Variants in TMEM108 observed in about 807,000 individuals in gnomAD.
The protein encoded by TMEM108 is cancer/testis antigen 124.
In TMEM108, 12 loss-of-function variants were observed where a neutral mutation model predicts 35.1. The observed-to-expected ratio is 0.34, with a 90% CI of 0.22 to 0.55. TMEM108 has a LOEUF of 0.55. Ranked by LOEUF, TMEM108 falls within the 20% of genes least tolerant of loss-of-function variation. TMEM108 has a pLI of 0.89. For synonymous variants in TMEM108, 287 were observed against 308.6 expected (o/e 0.93, Z 0.73); for missense variants, 680 against 753.3 (o/e 0.90, Z 1.14).
chr3:133,301,026 ACACACACAC>A (rs1947218091), intron 3 of TMEM108, among the ~76,000 whole-genome samples: 1 of 69,512 alleles, frequency 1.4e-5, no homozygotes, highest in African/African-American at 3.9e-5. Context: ...ACACACACAC[ACACACACAC>A]AAGTTCTACT....
intron 2 of TMEM108, among the ~76,000 whole-genome samples, chr3:133,170,315 A>T (rs535870386): frequency 1.5e-4 from 23 of 152,360 alleles, no homozygotes; most frequent in African/African-American, 5.5e-4. Flanking sequence ...AATGGAGGCC[A>T]CCCAAATGTT....
chr3:133,060,939 T>A (rs964985916), intron 2 of TMEM108, among the ~76,000 whole-genome samples: 2 of 152,228 alleles, frequency 1.3e-5, no homozygotes, highest in Non-Finnish European at 2.9e-5. Flanking sequence ...AGGTCAACTG[T>A]GGAATACCAT....
intron 2 of TMEM108, among the ~76,000 whole-genome samples, chr3:133,048,473 G>C (rs1343087535): frequency 6.6e-6 from 1 of 152,208 alleles, no homozygotes; most frequent in South Asian, 2.1e-4. Flanking sequence ...CTATGTGTTG[G>C]AATGGTCAAA....
intron 2 of TMEM108, among the ~76,000 whole-genome samples, chr3:133,085,509 T>G (rs1266033605): frequency 6.6e-6 from 1 of 152,208 alleles, no homozygotes; most frequent in Non-Finnish European, 1.5e-5. Flanking sequence ...CCCCTTTCAC[T>G]TTTAATTTTT....
chr3:133,331,956 C>T lies in TMEM108; in HGVS notation c.41-47796C>T, dbSNP rs543223495. 2.0e-5 allele frequency among the ~76,000 whole-genome samples: 3 copies of T among 152,276 alleles called. No homozygotes were observed. In the South Asian group the frequency reaches 6.2e-4, roughly 32 times the overall value. On this transcript the variant is annotated intron_variant, in intron 3 of 5. Coordinates refer to ENST00000321871, the MANE Select transcript of TMEM108 (RefSeq NM_023943.4). ...TATAGCCAGGTCTGAACGTATAGAC[C>T]ATAGTCACACTTAGGGGACTGCAAC...
intron 3 of TMEM108, among the ~76,000 whole-genome samples, chr3:133,289,317 G>T (rs1042797371): frequency 2.0e-5 from 3 of 152,126 alleles, no homozygotes; most frequent in African/African-American, 7.2e-5. Flanking sequence ...GGGAAAATTT[G>T]CCCAAGTTCA....
In TMEM108 at chr3:133,381,062, G is replaced by A. The variant is rs1227051302; in HGVS notation, c.1351G>A (p.Ala451Thr). The A allele has an allele frequency of 6.8e-6, 11 of 1,614,088 alleles. No homozygotes were observed. The African/African-American group carries it at 1.2e-4, about 18-fold the overall frequency. ...GACAGCAGGGAACATCTCCCATGTGGCCGAGGGGGACAAACCGCAGCACAG... is the reference window on the plus strand; with the variant it reads ...GACAGCAGGGAACATCTCCCATGTGACCGAGGGGGACAAACCGCAGCACAG... ...PGTAGNISHV[A>T]EGDKPQHRAT... The change falls in exon 4 of 6, where the codon GCC becomes ACC. Residue 451 changes from alanine (A) to threonine (T), a missense_variant. Physicochemically the swap from Ala to Thr is moderately conservative, Grantham distance 58. Around this residue, in one of 3 missense-constraint regions of TMEM108, gnomAD observed 526 missense variants for 532.1 expected, o/e 0.99. Transcript: ENST00000321871.
chr3:133,277,875 A>C (rs1946859238), intron 3 of TMEM108, among the ~76,000 whole-genome samples: 1 of 152,202 alleles, frequency 6.6e-6, no homozygotes, highest in Admixed American at 6.5e-5. Context: ...AAGGAGCAGC[A>C]ATCTGTCACC....
intron 2 of TMEM108, among the ~76,000 whole-genome samples, chr3:133,219,957 G>T (rs970457954): frequency 3.3e-5 from 5 of 151,982 alleles, no homozygotes; most frequent in Non-Finnish European, 7.4e-5. Flanking sequence ...TATCCTTTCA[G>T]ATCTATTAAT....
chr3:133,216,569 T>C (rs183956069), intron 2 of TMEM108, among the ~76,000 whole-genome samples: 266 of 152,264 alleles, frequency 1.7e-3, no homozygotes, highest in African/African-American at 5.8e-3. Context: ...ACTGAAACTT[T>C]GTATCCTTCA....
intron 2 of TMEM108, among the ~76,000 whole-genome samples, chr3:133,148,223 A>G (rs1368330895): frequency 6.6e-6 from 1 of 152,214 alleles, no homozygotes; most frequent in Non-Finnish European, 1.5e-5. Flanking sequence ...TGGGAGAGGA[A>G]AATACAAGAG....
intron 3 of TMEM108, among the ~76,000 whole-genome samples, chr3:133,372,465 G>A (rs563311937): frequency 1.3e-5 from 2 of 152,172 alleles, no homozygotes; most frequent in African/African-American, 2.4e-5. Flanking sequence ...GTGTGTTCAC[G>A]TGTGTTTGTT....
chr3:133,144,561 A>G (rs1215549539), intron 2 of TMEM108, among the ~76,000 whole-genome samples: 1 of 152,220 alleles, frequency 6.6e-6, no homozygotes, highest in Non-Finnish European at 1.5e-5. Context: ...GTCTTCCACA[A>G]TAGTTGAACT....
chr3:133,296,017 C>T (rs891862361), intron 3 of TMEM108, among the ~76,000 whole-genome samples: 6 of 152,158 alleles, frequency 3.9e-5, no homozygotes, highest in Non-Finnish European at 7.3e-5. Context: ...GGGCTCTTGT[C>T]CAAATTGACT....
intron 3 of TMEM108, among the ~76,000 whole-genome samples, chr3:133,375,286 G>A (rs2072801550): frequency 6.6e-6 from 1 of 152,168 alleles, no homozygotes; most frequent in African/African-American, 2.4e-5. Context: ...TGTATGCATT[G>A]GAATTTTCAG....
intron 3 of TMEM108, among the ~76,000 whole-genome samples, chr3:133,347,975 T>C (rs533105938): frequency 6.1e-4 from 93 of 152,230 alleles, no homozygotes; most frequent in African/African-American, 2.2e-3. Flanking sequence ...AAATTAGTTA[T>C]AATAAATAGC....
chr3:133,372,960 G>A lies in TMEM108; in HGVS notation c.41-6792G>A, dbSNP rs557028546. On this transcript the variant is annotated intron_variant, in intron 3 of 5. Coordinates refer to ENST00000321871, the MANE Select transcript of TMEM108 (RefSeq NM_023943.4). ...AGTCAGTGATACATATTTATTTTTGGTTAAGGGAAACCATGCTCCAAGGAA... is the reference window on the plus strand; with the variant it reads ...AGTCAGTGATACATATTTATTTTTGATTAAGGGAAACCATGCTCCAAGGAA... Among the ~76,000 whole-genome samples, 4 of 152,284 alleles carry A rather than the reference G, an allele frequency of 2.6e-5. No individual in the cohort carries two copies. The South Asian group carries it at 8.3e-4, about 32-fold the overall frequency.
At position 133,181,008 on chromosome 3, in the gene TMEM108, T is replaced by TAAAAAAAAAAAAAAAAAAAAA. The variant is rs369228472; in HGVS notation, c.-46-48248_-46-48228dup. Among the ~76,000 whole-genome samples the TAAAAAAAAAAAAAAAAAAAAA allele has an allele frequency of 4.1e-4, 31 of 75,846 alleles. 4 individuals are homozygous for TAAAAAAAAAAAAAAAAAAAAA. The highest frequency in any genetic ancestry group is 5.8e-4 in the South Asian group (1 of 1,734). 49.8% of individuals were successfully genotyped at this position (75,846 alleles called of 152,430 possible). ...TGTACTGGCTATTGGGCAGTTGTGT[T>TAAAAAAAAAAAAAAAAAAAAA]AAAAAAAAAAAAAAAAAAAAAAAAA... On this transcript the variant is annotated intron_variant, in intron 2 of 5. Transcript: ENST00000321871.
chr3:133,389,686 AAAAAAAAAAAAAAAG>A lies in TMEM108; in HGVS notation c.1451-482_1451-468del, dbSNP rs1418263281. 5.6e-3 allele frequency: 754 copies of A among 135,640 alleles called. 8 individuals are homozygous for A. Among genetic ancestry groups the A allele is most frequent in the African/African-American group, 0.023 (701 of 31,118 alleles). 8.4% of individuals were successfully genotyped at this position (135,640 alleles called of 1,614,324 possible). Reference sequence around the variant, plus strand: ...GGGCAACGGAGCTAGACTCCATCAAAAAAAAAAAAAAAAAGAAAAAAAAAAACCATAGACTTTGGA... The same window carrying A: ...GGGCAACGGAGCTAGACTCCATCAAAAAAAAAAAAAACCATAGACTTTGGA... On this transcript the variant is annotated intron_variant, in intron 4 of 5. Coordinates refer to ENST00000321871, the MANE Select transcript of TMEM108 (RefSeq NM_023943.4).
Sources: allele counts gnomAD v4.1 joint callset (sites outside exome capture counted in the v4.1 genomes callset), GRCh38; gene constraint gnomAD v4.1.1; regional missense constraint gnomAD v4.1.1; transcripts MANE v1.5; gene names NCBI Gene and HGNC (gene_info 2026-07-23, HGNC 2026-07-21).